Variants in UBA6 observed in about 807,000 individuals in gnomAD.
The protein encoded by UBA6 is ubiquitin-like modifier-activating enzyme 6.
A neutral mutation model predicts 148.3 loss-of-function variants in UBA6; 87 were observed. The observed-to-expected ratio is 0.59, with a 90% CI of 0.49 to 0.70. The LOEUF (loss-of-function observed/expected upper bound fraction) is 0.70. Ranked by LOEUF, UBA6 falls within the 30% of genes least tolerant of loss-of-function variation. UBA6 has a pLI of 0.00. For synonymous variants in UBA6, 376 were observed against 401.0 expected, an observed-to-expected ratio of 0.94 and a Z score of 0.75; for missense variants, 1,186 against 1,241.2, an observed-to-expected ratio of 0.96 and a Z score of 0.67.
At chr4:67,663,735 A>T (rs1448447587) in intron 11 of UBA6, 150 bp downstream of exon 11, 2 of 540,332 alleles carry the variant, frequency 3.7e-6, no homozygotes, top group Non-Finnish European at 6.6e-6. Flanking sequence ...AGTCAACTTT[A>T]GATATGTGAG....
intron 14 of UBA6, among the ~76,000 whole-genome samples, chr4:67,647,405 C>A (rs2109917986): frequency 6.6e-6 from 1 of 152,176 alleles, no homozygotes; most frequent in African/African-American, 2.4e-5. Flanking sequence ...CTCGGCCTCC[C>A]AAAGTGCTGG....
intron 13 of UBA6, among the ~76,000 whole-genome samples, chr4:67,657,087 A>T (rs1729717357): frequency 6.6e-6 from 1 of 152,146 alleles, no homozygotes; most frequent in South Asian, 2.1e-4. Context: ...AATCAATATC[A>T]TTAAAACGCC....
At chr4:67,683,187 A>G (rs1730481249) in intron 2 of UBA6, among the ~76,000 whole-genome samples, 1 of 152,208 alleles carries the variant, frequency 6.6e-6, no homozygotes, top group South Asian at 2.1e-4. Flanking sequence ...TCAAATATTT[A>G]TTGAAAATCT....
chr4:67,650,136 A>G (rs1051587359), intron 13 of UBA6, among the ~76,000 whole-genome samples: 9 of 152,186 alleles, frequency 5.9e-5, no homozygotes, highest in African/African-American at 2.2e-4. Flanking sequence ...TTTTGAATGC[A>G]GATATTGTTG....
At chr4:67,636,421 A>G (rs1250782583) in intron 19 of UBA6, among the ~76,000 whole-genome samples, 1 of 151,930 alleles carries the variant, frequency 6.6e-6, no homozygotes, top group Non-Finnish European at 1.5e-5. Flanking sequence ...CTCTCTTTCC[A>G]TGGTCTCCCT....
At chr4:67,693,015 T>C (rs188603325) in intron 2 of UBA6, among the ~76,000 whole-genome samples, 2 of 152,286 alleles carry the variant, frequency 1.3e-5, no homozygotes, top group East Asian at 1.9e-4. Context: ...ATCAGTATTG[T>C]ATAGAAACAT....
At chr4:67,669,588 TC>T (rs1178926966) in intron 8 of UBA6, among the ~76,000 whole-genome samples, 1 of 152,122 alleles carries the variant, frequency 6.6e-6, no homozygotes, top group African/African-American at 2.4e-5. Context: ...TAAAAGGGGA[TC>T]ATAATGATTT....
intron 9 of UBA6, among the ~76,000 whole-genome samples, chr4:67,667,760 T>G (rs1406532567): frequency 6.6e-6 from 1 of 152,202 alleles, no homozygotes; most frequent in Non-Finnish European, 1.5e-5. Context: ...ATATGATGCC[T>G]GACATCTTTC....
At chr4:67,670,364 A>G in intron 8 of UBA6, 106 bp downstream of exon 8, 2 of 944,562 alleles carry the variant, frequency 2.1e-6, no homozygotes, top group Admixed American at 2.5e-5. Flanking sequence ...ACACTGTAAA[A>G]TAAATTTTGC....
intron 28 of UBA6, among the ~76,000 whole-genome samples, chr4:67,625,689 T>C (rs1274925761): frequency 1.3e-5 from 2 of 151,948 alleles, no homozygotes; most frequent in South Asian, 2.1e-4. Context: ...ATTATTGTTA[T>C]TCTGGGTTAT....
At chr4:67,631,966 T>G in intron 23 of UBA6, 58 bp from the exon 24 acceptor site, 1 of 1,473,276 alleles carries the variant, frequency 6.8e-7, no homozygotes. Context: ...GAGGAAAAAT[T>G]AAAAAATAAA....
intron 13 of UBA6, among the ~76,000 whole-genome samples, chr4:67,649,992 C>G (rs1156706426): frequency 3.9e-5 from 6 of 152,104 alleles, no homozygotes; most frequent in African/African-American, 9.7e-5. Context: ...TTATTACACT[C>G]TCAAAAATAT....
intron 17 of UBA6, among the ~76,000 whole-genome samples, chr4:67,641,821 T>C (rs1349725823): frequency 2.0e-5 from 3 of 152,178 alleles, no homozygotes; most frequent in African/African-American, 7.2e-5. Flanking sequence ...TCTGCAAAGT[T>C]GAAATATTTG....
chr4:67,678,614 G>C (rs919553638), intron 4 of UBA6, 81 bp from the exon 5 acceptor site: 4 of 593,642 alleles, frequency 6.7e-6, no homozygotes, highest in African/African-American at 1.9e-5. Context: ...CAATGTACTA[G>C]AACTATTATT....
intron 30 of UBA6, among the ~76,000 whole-genome samples, chr4:67,623,595 T>C (rs1728801580): frequency 6.6e-6 from 1 of 152,174 alleles, no homozygotes. Flanking sequence ...CCAGAATAAT[T>C]ATCTTGCAAA....
chr4:67,643,831 T>A (rs1216807811), intron 17 of UBA6, among the ~76,000 whole-genome samples: 5 of 152,110 alleles, frequency 3.3e-5, no homozygotes, highest in Non-Finnish European at 7.4e-5. Context: ...TATGCTAATG[T>A]GCATCATGAA....
At position 67,646,800 on chromosome 4, in the gene UBA6, A is replaced by G; in HGVS notation, c.1249-9T>C. The stretch of plus-strand genomic sequence containing the variant: ...GCTGCTTCAAGATATAACTTAAAGT[A>G]GAAGATTAAAAACACAATTATTATG... On this transcript the variant is annotated splice_polypyrimidine_tract_variant and intron_variant, in intron 14 of 32. Coordinates refer to ENST00000322244, the MANE Select transcript of UBA6 (RefSeq NM_018227.6). 6.3e-7 allele frequency: 1 copy of G among 1,579,644 alleles called. No individual in the cohort carries two copies. Among genetic ancestry groups the G allele is most frequent in the Non-Finnish European group, 8.6e-7 (1 of 1,160,794 alleles).
chr4:67,634,046 A>C (rs1560480548), intron 22 of UBA6, among the ~76,000 whole-genome samples, 196 bp downstream of exon 22: 1 of 152,092 alleles, frequency 6.6e-6, no homozygotes, highest in African/African-American at 2.4e-5. Context: ...ACATGCTCAA[A>C]TATCGACAAT....
chr4:67,642,566 C>T (rs747826444), intron 17 of UBA6, among the ~76,000 whole-genome samples: 1 of 152,058 alleles, frequency 6.6e-6, no homozygotes, highest in African/African-American at 2.4e-5. Flanking sequence ...TGGTAGTAAT[C>T]TTTCATCATT....
Sources: gnomAD v4.1 joint callset for allele counts (sites outside exome capture counted in the v4.1 genomes callset) on GRCh38, gnomAD v4.1.1 for gene constraint, MANE v1.5 for transcripts, NCBI Gene and HGNC (gene_info 2026-07-23, HGNC 2026-07-21) for gene names.